PGAP1: variants seen among roughly 807,000 people sequenced by gnomAD.
The protein encoded by PGAP1 is post-GPI attachment to proteins inositol deacylase 1.
In PGAP1, 76 loss-of-function variants were observed where a neutral mutation model predicts 127.0. That is an observed-to-expected ratio of 0.60 (90% confidence interval 0.50 to 0.72). The LOEUF (loss-of-function observed/expected upper bound fraction) is 0.72. PGAP1 is among the 30% of genes least tolerant of loss of function. The pLI is 0.00. For synonymous variants in PGAP1, 362 were observed against 366.5 expected (o/e 0.99, Z 0.14); for missense variants, 982 against 1,071.3 (o/e 0.92, Z 1.16).
At chr2:196,875,662 A>G (rs1701541319) in intron 14 of PGAP1, 84 bp downstream of exon 14, 1 of 733,302 alleles carries the variant, frequency 1.4e-6, no homozygotes, top group Non-Finnish European at 2.4e-6. Flanking sequence ...AATATTCAAC[A>G]TTTGATATTA....
chr2:196,918,385 T>G (rs757139813), intron 2 of PGAP1, among the ~76,000 whole-genome samples: 4 of 152,162 alleles, frequency 2.6e-5, no homozygotes, highest in Non-Finnish European at 5.9e-5. Context: ...AGGAAACATA[T>G]GGAATAATAT....
At position 196,838,190 on chromosome 2, in the gene PGAP1, T is replaced by C. The variant is rs1700288653; in HGVS notation, c.*3044A>G. 1 of 152,208 alleles carries C rather than the reference T, an allele frequency of 6.6e-6. No individual in the cohort carries two copies. The highest frequency in any genetic ancestry group is 1.9e-4 in the East Asian group (1 of 5,202). 9.4% of individuals were successfully genotyped at this position (152,208 alleles called of 1,614,324 possible). ...CTATATTTGATCTGGTTATCAACAA[T>C]AGGGTCTAGGAGTTAAGCACAAAAC... is the stretch of plus-strand genomic sequence containing the variant. On this transcript the variant is annotated 3_prime_UTR_variant, in exon 27 of 27. Coordinates refer to ENST00000354764, the MANE Select transcript of PGAP1 (RefSeq NM_024989.4).
At chr2:196,891,493 AC>A (rs1318657963) in intron 9 of PGAP1, among the ~76,000 whole-genome samples, 5 of 152,142 alleles carry the variant, frequency 3.3e-5, no homozygotes, top group Non-Finnish European at 7.4e-5. Context: ...GTATCAACAG[AC>A]TGAAAGAAAA....
intron 4 of PGAP1, among the ~76,000 whole-genome samples, chr2:196,903,897 C>T (rs570375705): frequency 6.6e-6 from 1 of 152,152 alleles, no homozygotes; most frequent in Non-Finnish European, 1.5e-5. Context: ...TTTATCCTGA[C>T]ATTTGATCCC....
chr2:196,873,064 G>A, intron 16 of PGAP1, 38 bp from the exon 17 acceptor site: 1 of 642,498 alleles, frequency 1.6e-6, no homozygotes, highest in South Asian at 2.1e-5. Context: ...TTAACAACAT[G>A]TTACCCTAAA....
In PGAP1 at chr2:196,841,182, T is replaced by C; in HGVS notation, c.*52A>G. The C allele has an allele frequency of 6.5e-7, 1 of 1,544,506 alleles. No homozygotes were observed. The highest frequency in any genetic ancestry group is 8.8e-7 in the Non-Finnish European group (1 of 1,140,114). On this transcript the variant is annotated 3_prime_UTR_variant, in exon 27 of 27. Coordinates refer to ENST00000354764, the MANE Select transcript of PGAP1 (RefSeq NM_024989.4). ...ACTGATGGATCTGTGTGTTCCCTCT[T>C]ATCACTGGCCCTAAACACATAAATT...
Position 196,865,042 on chromosome 2 carries a change from G to T in PGAP1, c.1806C>A (p.Val602=), listed in dbSNP as rs758380586. 1 of 1,570,826 alleles carries T rather than the reference G, an allele frequency of 6.4e-7. No homozygotes were observed. The highest frequency in any genetic ancestry group is 1.2e-5 in the South Asian group (1 of 81,190). Residue 602 remains valine, a synonymous_variant, in exon 20 of 27, where the codon GTC becomes GTA. Coordinates refer to ENST00000354764, the MANE Select transcript of PGAP1 (RefSeq NM_024989.4). ...RFHGGALPAY[V]VSNILLAYRG... is the part of the protein sequence containing the mutation. Reference sequence around the variant, plus strand: ...TATAAGCAAGAAGGATATTAGATACGACATAAGCAGGAAGAGCTCCACCAT... The same window carrying T: ...TATAAGCAAGAAGGATATTAGATACTACATAAGCAGGAAGAGCTCCACCAT...
At chr2:196,896,828 TA>T (rs566717804) in intron 7 of PGAP1, among the ~76,000 whole-genome samples, 162 of 90,602 alleles carry the variant, frequency 1.8e-3, no homozygotes, top group Middle Eastern at 7.2e-3. Flanking sequence ...GACTCCATCT[TA>T]AAAAAAAAAA....
intron 1 of PGAP1, 94 bp downstream of exon 1, chr2:196,926,376 G>A: frequency 6.4e-7 from 1 of 1,567,586 alleles, no homozygotes; most frequent in East Asian, 2.3e-5. Flanking sequence ...CCCGAGAGGC[G>A]CAGAGAGCCA....
chr2:196,905,538 T>C (rs1040228670), intron 4 of PGAP1, among the ~76,000 whole-genome samples: 1 of 152,180 alleles, frequency 6.6e-6, no homozygotes, highest in African/African-American at 2.4e-5. Flanking sequence ...CTGGGGAATA[T>C]TTCTCACTTA....
chr2:196,881,068 T>C (rs1007059078), intron 12 of PGAP1, among the ~76,000 whole-genome samples: 12 of 152,266 alleles, frequency 7.9e-5, no homozygotes, highest in African/African-American at 2.6e-4. Flanking sequence ...TCCCCCTACA[T>C]GTCCATGTGT....
intron 10 of PGAP1, among the ~76,000 whole-genome samples, chr2:196,887,384 A>G (rs1397851667): frequency 5.3e-5 from 8 of 152,118 alleles, no homozygotes; most frequent in African/African-American, 1.9e-4. Context: ...ACTCCATCTC[A>G]AAAAACAAAA....
At chr2:196,846,581 T>A (rs1207838052) in intron 22 of PGAP1, among the ~76,000 whole-genome samples, 2 of 152,180 alleles carry the variant, frequency 1.3e-5, no homozygotes, top group Non-Finnish European at 2.9e-5. Flanking sequence ...GGGCCCATAA[T>A]AAAACTCTAG....
intron 11 of PGAP1, 47 bp downstream of exon 11, chr2:196,885,787 A>C: frequency 1.6e-6 from 2 of 1,229,144 alleles, no homozygotes; most frequent in Non-Finnish European, 2.2e-6. Flanking sequence ...GTGGTTTCCG[A>C]GTATTGTTTA....
At chr2:196,903,443 C>G (rs372773709) in intron 4 of PGAP1, among the ~76,000 whole-genome samples, 85 of 151,452 alleles carry the variant, frequency 5.6e-4, no homozygotes, top group African/African-American at 1.9e-3. Flanking sequence ...CACCTGTAGT[C>G]CCAGCTACTC....
chr2:196,871,086 C>T, intron 18 of PGAP1, 107 bp from the exon 19 acceptor site: 1 of 758,630 alleles, frequency 1.3e-6, no homozygotes. Flanking sequence ...AATTGATTTT[C>T]TATAATGGTA....
Position 196,869,240 on chromosome 2 carries a change from A to C in PGAP1, c.1767+1701T>G, listed in dbSNP as rs545297603. Among the ~76,000 whole-genome samples the C allele has an allele frequency of 2.6e-5, 4 of 152,354 alleles. No individual in the cohort carries two copies. The East Asian group carries it at 7.7e-4, about 29-fold the overall frequency. On this transcript the variant is annotated intron_variant, in intron 19 of 26. Transcript: ENST00000354764. ...ACACAGGAATTATATGGATAAGAGA[A>C]TATGTTATATTCCTACCCCAAACCA...
At chr2:196,865,794 TATA>T (rs1413216178) in intron 19 of PGAP1, among the ~76,000 whole-genome samples, 1 of 151,952 alleles carries the variant, frequency 6.6e-6, no homozygotes, top group African/African-American at 2.4e-5. Flanking sequence ...ATAAAATACA[TATA>T]ATAACAAAAA....
intron 20 of PGAP1, among the ~76,000 whole-genome samples, chr2:196,858,496 C>A (rs115282897): frequency 0.013 from 1,967 of 151,712 alleles, 41 homozygotes; most frequent in Admixed American, 0.047. Context: ...AATGGAAACA[C>A]AATATACCAA....
Sources: gnomAD v4.1 joint callset for allele counts (sites outside exome capture counted in the v4.1 genomes callset) on GRCh38, gnomAD v4.1.1 for gene constraint, MANE v1.5 for transcripts, NCBI Gene and HGNC (gene_info 2026-07-23, HGNC 2026-07-21) for gene names.